DPP6: variants seen among roughly 807,000 people sequenced by gnomAD.
DPP6 encodes dipeptidyl peptidase like 6, also known as A-type potassium channel modulatory protein DPP6.
A neutral mutation model predicts 122.6 loss-of-function variants in DPP6; 69 were observed. The observed-to-expected ratio is 0.56, with a 90% CI of 0.46 to 0.69. The LOEUF is 0.69. Ranked by LOEUF, DPP6 falls within the 30% of genes least tolerant of loss-of-function variation. DPP6 has a pLI of 0.00. For synonymous variants in DPP6, 418 were observed against 433.1 expected, an observed-to-expected ratio of 0.97 and a Z score of 0.43; for missense variants, 928 against 1,116.9, an observed-to-expected ratio of 0.83 and a Z score of 2.41.
chr7:154,523,295 C>A (rs1827148682), intron 3 of DPP6, among the ~76,000 whole-genome samples: 1 of 152,164 alleles, frequency 6.6e-6, no homozygotes, highest in African/African-American at 2.4e-5. Flanking sequence ...TCAGTGAACA[C>A]CTATATTACC....
chr7:154,315,429 C>T (rs1478169441), intron 1 of DPP6, among the ~76,000 whole-genome samples: 7 of 151,976 alleles, frequency 4.6e-5, no homozygotes, highest in African/African-American at 1.5e-4. Flanking sequence ...GGACTGCTTG[C>T]CAGAAAAATC....
At chr7:154,681,079 C>T (rs576409570) in intron 7 of DPP6, among the ~76,000 whole-genome samples, 1 of 150,100 alleles carries the variant, frequency 6.7e-6, no homozygotes, top group South Asian at 2.1e-4. Context: ...GTATATTTCA[C>T]AATAAGAGAA....
chr7:154,595,608 G>A (rs1586704503), intron 5 of DPP6, among the ~76,000 whole-genome samples: 1 of 152,288 alleles, frequency 6.6e-6, no homozygotes, highest in Admixed American at 6.5e-5. Context: ...CGAGGAGGTG[G>A]GAAATAACAA....
chr7:154,585,704 G>A (rs916916900), intron 5 of DPP6, among the ~76,000 whole-genome samples: 1 of 152,212 alleles, frequency 6.6e-6, no homozygotes, highest in South Asian at 2.1e-4. Flanking sequence ...TTGTTCTACT[G>A]TATTGCTTAG....
chr7:154,190,075 A>G (rs1266647723), intron 1 of DPP6, among the ~76,000 whole-genome samples: 1 of 152,242 alleles, frequency 6.6e-6, no homozygotes. Flanking sequence ...ATGATTGTAA[A>G]GCTCCAATGC....
At chr7:154,848,649 G>A (rs1395380630) in intron 16 of DPP6, among the ~76,000 whole-genome samples, 2 of 152,150 alleles carry the variant, frequency 1.3e-5, no homozygotes, top group East Asian at 3.8e-4. Flanking sequence ...TCTTTGCTAT[G>A]CAGAAATTTA....
chr7:153,909,785 C>G (rs1800001477), intron 1 of DPP6, among the ~76,000 whole-genome samples: 1 of 152,118 alleles, frequency 6.6e-6, no homozygotes, highest in Non-Finnish European at 1.5e-5. Flanking sequence ...TACCTTTTAC[C>G]TACCAGACGG....
intron 1 of DPP6, among the ~76,000 whole-genome samples, chr7:153,907,436 T>G (rs1377465265): frequency 2.0e-5 from 3 of 152,212 alleles, no homozygotes; most frequent in Non-Finnish European, 2.9e-5. Context: ...GTTGTATTGG[T>G]AAAGGGAATT....
intron 1 of DPP6, among the ~76,000 whole-genome samples, chr7:154,274,710 G>A (rs560357090): frequency 1.3e-5 from 2 of 152,194 alleles, no homozygotes; most frequent in South Asian, 2.1e-4. Flanking sequence ...TATTTTTAAT[G>A]TACCTTCTTT....
intron 1 of DPP6, among the ~76,000 whole-genome samples, chr7:154,075,904 T>C (rs1473882861): frequency 6.6e-6 from 1 of 151,570 alleles, no homozygotes; most frequent in Non-Finnish European, 1.5e-5. Context: ...TTTTGGCAAA[T>C]TATTTTAATG....
intron 1 of DPP6, among the ~76,000 whole-genome samples, chr7:153,991,681 C>T (rs1206965196): frequency 6.6e-6 from 1 of 152,222 alleles, no homozygotes; most frequent in Non-Finnish European, 1.5e-5. Context: ...CTGGAGCACG[C>T]AGCCATCCTG....
intron 1 of DPP6, among the ~76,000 whole-genome samples, chr7:154,347,622 A>G (rs771645170): frequency 3.3e-5 from 5 of 152,204 alleles, no homozygotes; most frequent in Non-Finnish European, 5.9e-5. Flanking sequence ...CTCCTACATG[A>G]ACATTTCTAG....
chr7:154,251,378 C>T (rs761866933), intron 1 of DPP6, among the ~76,000 whole-genome samples: 3 of 152,138 alleles, frequency 2.0e-5, no homozygotes, highest in Admixed American at 6.5e-5. Context: ...AGGAACTGAC[C>T]ACCTAAAAGA....
At chr7:153,971,405 T>C (rs903670897) in intron 1 of DPP6, among the ~76,000 whole-genome samples, 1 of 150,824 alleles carries the variant, frequency 6.6e-6, no homozygotes, top group Non-Finnish European at 1.5e-5. Context: ...TTTCTGATTT[T>C]TACTGCTTTT....
chr7:154,883,268 TCACACACATGCTCACACATA>T (rs1805578121), intron 21 of DPP6, among the ~76,000 whole-genome samples: 2 of 112,842 alleles, frequency 1.8e-5, no homozygotes, highest in South Asian at 6.3e-4. Context: ...ACACCTGCTC[TCACACACATGCTCACACATA>T]CACACACATG....
At chr7:153,877,460 G>A in the DPP6 span, among the ~76,000 whole-genome samples, 1 of 152,048 alleles carries the variant, frequency 6.6e-6, no homozygotes, top group African/African-American at 2.4e-5. Flanking sequence ...AGTGCAATAG[G>A]TTTGTTCACA....
chr7:154,410,300 G>A (rs1816488537), intron 1 of DPP6, among the ~76,000 whole-genome samples: 1 of 152,206 alleles, frequency 6.6e-6, no homozygotes, highest in Non-Finnish European at 1.5e-5. Context: ...CCTGACAGGC[G>A]AGATTAGTGG....
At chr7:154,492,803 C>T (rs369414175) in intron 3 of DPP6, among the ~76,000 whole-genome samples, 8 of 152,274 alleles carry the variant, frequency 5.3e-5, no homozygotes, top group East Asian at 1.9e-4. Context: ...TTCTCTAATC[C>T]GGGATGAAGC....
intron 3 of DPP6, among the ~76,000 whole-genome samples, chr7:154,491,641 G>A (rs901063598): frequency 6.6e-6 from 1 of 152,122 alleles, no homozygotes; most frequent in Non-Finnish European, 1.5e-5. Flanking sequence ...TTATCCCATC[G>A]CCATCCACCT....
Sources: allele counts gnomAD v4.1 joint callset (sites outside exome capture counted in the v4.1 genomes callset), GRCh38; gene constraint gnomAD v4.1.1; transcripts MANE v1.5; gene names NCBI Gene and HGNC (gene_info 2026-07-23, HGNC 2026-07-21).